Variants in DIAPH2 observed in about 807,000 individuals in gnomAD.
DIAPH2 encodes diaphanous related formin 2, also known as protein diaphanous homolog 2.
DIAPH2 carries 35 observed loss-of-function variants against 92.7 expected under a neutral mutation model. The observed-to-expected ratio is 0.38, with a 90% CI of 0.29 to 0.50. The LOEUF (loss-of-function observed/expected upper bound fraction) is 0.50. Ranked by LOEUF, DIAPH2 falls within the 20% of genes least tolerant of loss-of-function variation. The pLI is 0.94. For synonymous variants in DIAPH2, 301 were observed against 280.4 expected (o/e 1.07, Z -0.73); for missense variants, 701 against 819.5 (o/e 0.86, Z 1.77).
intron 20 of DIAPH2, among the ~76,000 whole-genome samples, chrX:97,111,275 A>C (rs2066978867): frequency 1.8e-5 from 2 of 112,360 alleles, no homozygotes; most frequent in Non-Finnish European, 3.8e-5. Flanking sequence ...AAAATTAGGC[A>C]GACTGTTTTC....
intron 21 of DIAPH2, among the ~76,000 whole-genome samples, chrX:97,129,155 CT>C (rs2067118728): frequency 2.2e-5 from 2 of 89,161 alleles, no homozygotes; most frequent in African/African-American, 4.3e-5. Context: ...TCTTTCTTTT[CT>C]TTTCTTTTCT....
chrX:96,686,605 C>T (rs1309481602), intron 1 of DIAPH2, among the ~76,000 whole-genome samples: 3 of 111,646 alleles, frequency 2.7e-5, no homozygotes, highest in Non-Finnish European at 5.6e-5. Flanking sequence ...TAGCTTGATA[C>T]GGTAGAACAA....
At chrX:97,347,108 AG>A (rs2069164587) in intron 23 of DIAPH2, among the ~76,000 whole-genome samples, 1 of 65,831 alleles carries the variant, frequency 1.5e-5, no homozygotes, top group African/African-American at 6.7e-5. Context: ...TTTTTTTTTG[AG>A]ACAGAGTCTC....
intron 1 of DIAPH2, among the ~76,000 whole-genome samples, chrX:96,720,957 T>TA (rs1192250588): frequency 9.0e-6 from 1 of 111,516 alleles, no homozygotes; most frequent in Non-Finnish European, 1.9e-5. Flanking sequence ...TATACTGGTT[T>TA]TCCTTGTCCT....
At chrX:96,730,620 G>A (rs760720589) in intron 1 of DIAPH2, among the ~76,000 whole-genome samples, 4 of 111,786 alleles carry the variant, frequency 3.6e-5, no homozygotes, top group Admixed American at 9.5e-5. Context: ...AATATATGGA[G>A]ATTATAATAG....
chrX:97,586,144 C>G (rs1238116980), intron 26 of DIAPH2, among the ~76,000 whole-genome samples: 1 of 111,700 alleles, frequency 9.0e-6, no homozygotes, highest in Non-Finnish European at 1.9e-5. Context: ...CTTTTCAGGC[C>G]TCTCCCCTGA....
chrX:97,212,965 A>G (rs1314649727), intron 22 of DIAPH2, among the ~76,000 whole-genome samples: 1 of 111,785 alleles, frequency 8.9e-6, no homozygotes, highest in East Asian at 2.8e-4. Context: ...TTATACAATC[A>G]TTATTATGGT....
chrX:97,467,025 C>T (rs2070518842), intron 26 of DIAPH2, among the ~76,000 whole-genome samples: 1 of 111,813 alleles, frequency 8.9e-6, no homozygotes, highest in Non-Finnish European at 1.9e-5. Flanking sequence ...TTACTTTTTG[C>T]AAAAGATTAG....
chrX:97,079,811 A>G (rs1223451701), intron 19 of DIAPH2, among the ~76,000 whole-genome samples: 1 of 111,772 alleles, frequency 8.9e-6, no homozygotes. Context: ...GCTATAGTGT[A>G]TCATCAAAGC....
chrX:97,037,205 C>T (rs2066417072), intron 17 of DIAPH2, among the ~76,000 whole-genome samples: 1 of 111,283 alleles, frequency 9.0e-6, no homozygotes, highest in Admixed American at 9.6e-5. Context: ...TTCTATTTAG[C>T]TAGGCAATAA....
intron 26 of DIAPH2, among the ~76,000 whole-genome samples, chrX:97,506,606 AG>A (rs1225234285): frequency 1.8e-5 from 2 of 110,430 alleles, no homozygotes; most frequent in Non-Finnish European, 1.9e-5. Context: ...CTCTAATTCA[AG>A]TCATTAGAAC....
At chrX:97,345,645 T>C (rs1034121921) in intron 23 of DIAPH2, among the ~76,000 whole-genome samples, 8 of 112,358 alleles carry the variant, frequency 7.1e-5, no homozygotes, top group African/African-American at 2.6e-4. Context: ...ACCATTATTT[T>C]TCTATACAAT....
At chrX:97,336,357 T>C (rs1368511335) in intron 23 of DIAPH2, among the ~76,000 whole-genome samples, 1 of 107,116 alleles carries the variant, frequency 9.3e-6, no homozygotes, top group Non-Finnish European at 1.9e-5. Flanking sequence ...CCGGTTCTCC[T>C]GCCTCAGCCT....
At chrX:97,214,530 T>A (rs754493192) in intron 22 of DIAPH2, among the ~76,000 whole-genome samples, 121 of 107,241 alleles carry the variant, frequency 1.1e-3, no homozygotes, top group African/African-American at 3.5e-3. Flanking sequence ...AAATTTCCTT[T>A]AAAAAAAAAA....
At chrX:96,762,644 A>G (rs2064276276) in intron 4 of DIAPH2, among the ~76,000 whole-genome samples, 1 of 110,665 alleles carries the variant, frequency 9.0e-6, no homozygotes, top group Non-Finnish European at 1.9e-5. Flanking sequence ...AAGAAGGTGT[A>G]CTATTTCAAC....
intron 5 of DIAPH2, among the ~76,000 whole-genome samples, chrX:96,910,115 A>G (rs978497669): frequency 1.8e-5 from 2 of 111,105 alleles, no homozygotes; most frequent in Non-Finnish European, 3.8e-5. Flanking sequence ...TGCTGTAGTG[A>G]TATCTGCTGA....
chrX:97,582,665 T>G (rs1396853081), intron 26 of DIAPH2, among the ~76,000 whole-genome samples: 5 of 107,910 alleles, frequency 4.6e-5, no homozygotes, highest in African/African-American at 1.7e-4. Flanking sequence ...GGAGTTGCTC[T>G]TCTCGAGGAG....
intron 25 of DIAPH2, 84 bp from the exon 26 acceptor site, chrX:97,429,566 A>T (rs1293794984): frequency 8.9e-7 from 1 of 1,120,097 alleles, no homozygotes; most frequent in African/African-American, 1.8e-5. Flanking sequence ...TATTATGTAA[A>T]TCTGACAGGA....
chrX:97,381,840 A>G (rs994780265), intron 24 of DIAPH2, among the ~76,000 whole-genome samples: 2 of 112,316 alleles, frequency 1.8e-5, no homozygotes, highest in African/African-American at 6.5e-5. Context: ...GGTACATAAT[A>G]GATTTCCCTT....
Sources: gnomAD v4.1 joint callset for allele counts (sites outside exome capture counted in the v4.1 genomes callset) on GRCh38, gnomAD v4.1.1 for gene constraint, MANE v1.5 for transcripts, NCBI Gene and HGNC (gene_info 2026-07-23, HGNC 2026-07-21) for gene names.